Variants in CHD5 observed in about 807,000 individuals in gnomAD.
CHD5 encodes ATP-dependent chromatin remodeler CHD5.
In CHD5, 69 loss-of-function variants were observed where a neutral mutation model predicts 230.3. The ratio of observed to expected loss-of-function variants is 0.30; its 90% confidence interval spans 0.25 to 0.37. The LOEUF (loss-of-function observed/expected upper bound fraction) is 0.37. CHD5 is among the 10% of genes least tolerant of loss of function. CHD5 has a pLI of 1.00. For synonymous variants in CHD5, 1,064 were observed against 1,065.9 expected (o/e 1.00, Z 0.03); for missense variants, 1,827 against 2,622.8 (o/e 0.70, Z 6.63).
Position 6,142,700 on chromosome 1 carries a change from A to C in CHD5, c.2044-95T>G, listed in dbSNP as rs1315309783. ...GCACATGCAATTCCTTCTGCCTGGA[A>C]CACTCTTCCCACTCCTGTCTGTCTT... On this transcript the variant is annotated intron_variant, in intron 13 of 41. Transcript: ENST00000262450. This position sits in a 1 kb window ranked among gnomAD's most constrained non-coding sequence, Gnocchi z 5.2. 7.6e-7 allele frequency: 1 copy of C among 1,309,520 alleles called. No homozygotes were observed. Among genetic ancestry groups the C allele is most frequent in the African/African-American group, 1.5e-5 (1 of 68,332 alleles). 81.1% of individuals were successfully genotyped at this position (1,309,520 alleles called of 1,614,324 possible). A position where few individuals can be genotyped will look rare whatever the true frequency, so the allele number is the denominator to read the frequency against.
At chr1:6,135,866 C>T (rs1666738086) in intron 17 of CHD5, among the ~76,000 whole-genome samples, 2 of 152,020 alleles carry the variant, frequency 1.3e-5, no homozygotes, top group South Asian at 2.1e-4. Context: ...AAAAATTAGC[C>T]GGGCGTGGTG....
rs1666953408 is a variant in CHD5 at position 6,148,912 on chromosome 1, C to T, written c.1325G>A (p.Cys442Tyr). The change falls in exon 9 of 42, where the codon TGC (cysteine) becomes TAC (tyrosine). Residue 442 changes from cysteine (C) to tyrosine (Y), a missense_variant. Coordinates refer to ENST00000262450, the MANE Select transcript of CHD5 (RefSeq NM_015557.3). ...DACPSSYHLH[C>Y]LNPPLPEIPN... is the part of the protein sequence containing the mutation. Reference sequence around the variant, plus strand: ...GATCTCGGGCAGCGGCGGGTTGAGGCAATGCAGGTGGTAGGAGGAGGGGCA... The same window carrying T: ...GATCTCGGGCAGCGGCGGGTTGAGGTAATGCAGGTGGTAGGAGGAGGGGCA... 1 of 1,590,844 alleles carries T rather than the reference C, an allele frequency of 6.3e-7. No homozygotes were observed. Among genetic ancestry groups the T allele is most frequent in the African/African-American group, 1.3e-5 (1 of 74,348 alleles).
In CHD5 at chr1:6,142,194, A is replaced by C; in HGVS notation, c.2370T>G (p.Ile790Met). The C allele has an allele frequency of 6.2e-7, 1 of 1,614,210 alleles. No individual in the cohort carries two copies. Among genetic ancestry groups the C allele is most frequent in the Non-Finnish European group, 8.5e-7 (1 of 1,180,018 alleles). The change falls in exon 15 of 42, where the codon ATT becomes ATG. Residue 790 changes from isoleucine (I) to methionine (M), a missense_variant. Ile to Met is a conservative substitution (Grantham distance 10, BLOSUM62 1). Coordinates refer to ENST00000262450, the MANE Select transcript of CHD5 (RefSeq NM_015557.3). The surrounding 1 kb of genome is among the most constrained non-coding windows in gnomAD (Gnocchi z 5.2). Reference sequence around the variant, plus strand: ...CCTCAAAGGAAAACTCGTTCTCCCGAATCACCGAGCGGCTCTCCTTGTCCC... The same window carrying C: ...CCTCAAAGGAAAACTCGTTCTCCCGCATCACCGAGCGGCTCTCCTTGTCCC... Reference protein sequence around the residue: ...YTGDKESRSVIRENEFSFEDN... With the variant: ...YTGDKESRSVMRENEFSFEDN...
chr1:6,126,206 C>T lies in CHD5; in HGVS notation c.4079-348G>A, dbSNP rs1167004191. Among the ~76,000 whole-genome samples, 5 of 152,172 alleles carry T rather than the reference C, an allele frequency of 3.3e-5. No individual in the cohort carries two copies. Among genetic ancestry groups the T allele is most frequent in the African/African-American group, 4.8e-5 (2 of 41,420 alleles). On this transcript the variant is annotated intron_variant, in intron 26 of 41. Transcript: ENST00000262450. The surrounding 1 kb of genome is among the most constrained non-coding windows in gnomAD (Gnocchi z 5.7). ...AGTCCCCTTTCCTCCAAAAAGCTGC[C>T]TCCCAGCTCCAACCAGCGCCGCCCA...
chr1:6,138,377 C>CA lies in CHD5; in HGVS notation c.2437-1513dup, dbSNP rs1189637514. Among the ~76,000 whole-genome samples the CA allele has an allele frequency of 6.6e-3, 849 of 128,526 alleles. 1 individual carries two copies. Among genetic ancestry groups the CA allele is most frequent in the Non-Finnish European group, 8.1e-3 (476 of 59,072 alleles). The allele number at this position is 128,526 out of a possible 152,430, so 84.3% of individuals were successfully genotyped here. Reference sequence around the variant, plus strand: ...GGGTGACAGAGTGAGTCTCTGTCTCCAAAAAAAAAAAAGCAAGCAAATTTA... The same window carrying CA: ...GGGTGACAGAGTGAGTCTCTGTCTCCAAAAAAAAAAAAAGCAAGCAAATTTA... On this transcript the variant is annotated intron_variant, in intron 15 of 41. Coordinates refer to ENST00000262450, the MANE Select transcript of CHD5 (RefSeq NM_015557.3).
At position 6,112,267 on chromosome 1, in the gene CHD5, C is replaced by A; in HGVS notation, c.5013G>T (p.Lys1671Asn). The change falls in exon 35 of 42, where the codon AAG becomes AAT. Residue 1671 changes from lysine (K) to asparagine (N), a missense_variant. By Grantham distance (94) the Lys-to-Asn change is moderately conservative. This residue lies in a region of CHD5 where 272 missense variants were observed against 263.2 expected (regional missense o/e 1.03). Coordinates refer to ENST00000262450, the MANE Select transcript of CHD5 (RefSeq NM_015557.3). ...TTTCAATGGGCTCCTTCTCCTCAGC[C>A]TTGGTGTCATCTGCCGGGGACAGAT... ...DSSELRPDDT[K>N]AEEKEPIETQ... The A allele has an allele frequency of 6.2e-7, 1 of 1,614,136 alleles. No homozygotes were observed. Among genetic ancestry groups the A allele is most frequent in the South Asian group, 1.1e-5 (1 of 91,072 alleles).
chr1:6,166,446 A>G (rs1667256344), intron 2 of CHD5, among the ~76,000 whole-genome samples: 1 of 151,870 alleles, frequency 6.6e-6, no homozygotes, highest in Non-Finnish European at 1.5e-5. Flanking sequence ...GAGGTGGGTG[A>G]GAGGTGCTGA....
At chr1:6,163,469 G>A (rs1047039031) in intron 2 of CHD5, among the ~76,000 whole-genome samples, 1 of 152,200 alleles carries the variant, frequency 6.6e-6, no homozygotes, top group Non-Finnish European at 1.5e-5. Flanking sequence ...TGGGGGTGCA[G>A]GGCAGAACCC....
intron 1 of CHD5, among the ~76,000 whole-genome samples, chr1:6,170,370 G>C (rs1334592659): frequency 6.6e-6 from 1 of 152,152 alleles, no homozygotes; most frequent in African/African-American, 2.4e-5. Flanking sequence ...TGGGTCTCTG[G>C]GGCTCCCATG....
chr1:6,167,522 C>T lies in CHD5; in HGVS notation c.207+628G>A, dbSNP rs1435249549. ...TCTGCCAACCAGCGATCATCCCTCC[C>T]ATGCCACCAATTTCCAGGGCTGATC... On this transcript the variant is annotated intron_variant, in intron 2 of 41. Coordinates refer to ENST00000262450, the MANE Select transcript of CHD5 (RefSeq NM_015557.3). This position sits in a 1 kb window ranked among gnomAD's most constrained non-coding sequence, Gnocchi z 4.5. Among the ~76,000 whole-genome samples, 1 of 152,202 alleles carries T rather than the reference C, an allele frequency of 6.6e-6. No homozygotes were observed. The highest frequency in any genetic ancestry group is 1.5e-5 in the Non-Finnish European group (1 of 68,034).
chr1:6,174,710 G>C (rs551256473), intron 1 of CHD5, among the ~76,000 whole-genome samples: 9 of 150,596 alleles, frequency 6.0e-5, no homozygotes, highest in African/African-American at 1.9e-4. Flanking sequence ...TGGATGAATG[G>C]ATGGTGGATG....
intron 2 of CHD5, among the ~76,000 whole-genome samples, chr1:6,160,915 C>T (rs368626217): frequency 1.2e-4 from 18 of 152,310 alleles, no homozygotes; most frequent in African/African-American, 1.7e-4. Flanking sequence ...AGTCAACTGG[C>T]GAAGCCCTCC....
rs1324760898 is a variant in CHD5, at chr1:6,159,479, G to A, written c.244C>T (p.Leu82=). The A allele has an allele frequency of 6.3e-7, 1 of 1,598,496 alleles. No homozygotes were observed. Among genetic ancestry groups the A allele is most frequent in the African/African-American group, 1.3e-5 (1 of 74,570 alleles). The stretch of plus-strand genomic sequence containing the variant: ...CCTTCACTCTCCGACTTCTCTTCCA[G>A]ATCCTCTTCATTCTCTGATAGCTCA... ...NDELSENEED[L]EEKSESEGSD... is the part of the protein sequence containing the mutation. Residue 82 remains leucine, a synonymous_variant, in exon 3 of 42, where the codon CTG becomes TTG. Transcript: ENST00000262450.
Position 6,126,105 on chromosome 1 carries a change from C to A in CHD5, c.4079-247G>T, listed in dbSNP as rs1411817311. 6.6e-6 allele frequency among the ~76,000 whole-genome samples: 1 copy of A among 152,188 alleles called. No individual in the cohort carries two copies. The highest frequency in any genetic ancestry group is 1.5e-5 in the Non-Finnish European group (1 of 68,028). On this transcript the variant is annotated intron_variant, in intron 26 of 41. Coordinates refer to ENST00000262450, the MANE Select transcript of CHD5 (RefSeq NM_015557.3). This position sits in a 1 kb window ranked among gnomAD's most constrained non-coding sequence, Gnocchi z 5.7. Reference sequence around the variant, plus strand: ...GCAAGGGACGTGCCCAAGGCCACGTCACGAGCAGTGGTGAAGTCACTGAAC... The same window carrying A: ...GCAAGGGACGTGCCCAAGGCCACGTAACGAGCAGTGGTGAAGTCACTGAAC...
Position 6,128,770 on chromosome 1 carries a change from G to T in CHD5, c.3619+68C>A. On this transcript the variant is annotated intron_variant, in intron 23 of 41. Transcript: ENST00000262450. This position sits in a 1 kb window ranked among gnomAD's most constrained non-coding sequence, Gnocchi z 7.8. Reference sequence around the variant, plus strand: ...TTGGAGCGGGCAGGGACCCAAGCAAGCCCTGGATGGGTGTCTCAGCCGGGC... The same window carrying T: ...TTGGAGCGGGCAGGGACCCAAGCAATCCCTGGATGGGTGTCTCAGCCGGGC... 2 of 1,414,292 alleles carry T rather than the reference G, an allele frequency of 1.4e-6. No homozygotes were observed. The highest frequency in any genetic ancestry group is 2.0e-6 in the Non-Finnish European group (2 of 1,009,992). 87.6% of individuals were successfully genotyped at this position (1,414,292 alleles called of 1,614,324 possible). A position where few individuals can be genotyped will look rare whatever the true frequency, so the allele number is the denominator to read the frequency against.
At chr1:6,172,570 T>C (rs1247792070) in intron 1 of CHD5, among the ~76,000 whole-genome samples, 2 of 146,188 alleles carry the variant, frequency 1.4e-5, no homozygotes, top group Non-Finnish European at 2.9e-5. Context: ...ATCTCAGTCC[T>C]ACAGCTGGCA....
intron 37 of CHD5, 152 bp downstream of exon 37, chr1:6,110,242 C>G (rs1425588452): frequency 2.6e-6 from 2 of 764,432 alleles, no homozygotes; most frequent in East Asian, 3.5e-5. Flanking sequence ...GGATCCACCA[C>G]TGTTAGTTGA....
At chr1:6,112,314 C>A (rs1411035486) in intron 34 of CHD5, 37 bp from the exon 35 acceptor site, 7 of 1,603,898 alleles carry the variant, frequency 4.4e-6, no homozygotes, top group Non-Finnish European at 6.0e-6. Context: ...ATCCATCCAT[C>A]CAAAAAGCAG....
Position 6,167,832 on chromosome 1 carries a change from G to A in CHD5, c.207+318C>T, listed in dbSNP as rs1156891525. On this transcript the variant is annotated intron_variant, in intron 2 of 41. Transcript: ENST00000262450. This position sits in a 1 kb window ranked among gnomAD's most constrained non-coding sequence, Gnocchi z 4.5. ...GGGACGGAGTCAGCTACAGAGCAGG[G>A]AGTGGGGCAGGGAGGTAGGGAGGCA... is the stretch of plus-strand genomic sequence containing the variant. 6.6e-6 allele frequency among the ~76,000 whole-genome samples: 1 copy of A among 152,190 alleles called. No individual in the cohort carries two copies. Among genetic ancestry groups the A allele is most frequent in the Non-Finnish European group, 1.5e-5 (1 of 68,040 alleles).
Sources: gnomAD v4.1 joint callset for allele counts (sites outside exome capture counted in the v4.1 genomes callset) on GRCh38, gnomAD v4.1.1 for gene constraint, gnomAD v4.1.1 regional missense constraint, Gnocchi (gnomAD v3.1) non-coding constraint, MANE v1.5 for transcripts, NCBI Gene and HGNC (gene_info 2026-07-23, HGNC 2026-07-21) for gene names.